Variants in EPM2A observed in about 807,000 individuals in gnomAD.
EPM2A encodes laforin.
A neutral mutation model predicts 26.5 loss-of-function variants in EPM2A; 21 were observed. The ratio of observed to expected loss-of-function variants is 0.79; its 90% CI spans 0.56 to 1.14. EPM2A has a LOEUF of 1.14. Ranked by LOEUF, EPM2A falls within the 50% of genes most tolerant of loss-of-function variation. EPM2A has a pLI of 0.00. For synonymous variants in EPM2A, 217 were observed against 177.6 expected, an observed-to-expected ratio of 1.22 and a Z score of -1.76; for missense variants, 458 against 440.8, an observed-to-expected ratio of 1.04 and a Z score of -0.35.
chr6:145,519,467 C>G (rs950837217), intron 2 of EPM2A, among the ~76,000 whole-genome samples: 8 of 152,120 alleles, frequency 5.3e-5, no homozygotes, highest in African/African-American at 1.7e-4. Context: ...ATGGAATCCC[C>G]CCTCCAACTT....
intron 3 of EPM2A, chr6:145,502,497 T>C (rs1295772714): frequency 2.1e-6 from 1 of 469,252 alleles, no homozygotes; most frequent in East Asian, 7.0e-5. Context: ...AGCTGCTCAC[T>C]GGGAGGAGGT....
chr6:145,391,113 A>C (rs1275675176), intron 4 of EPM2A, among the ~76,000 whole-genome samples: 2 of 152,124 alleles, frequency 1.3e-5, no homozygotes, highest in Non-Finnish European at 2.9e-5. Context: ...CCCCAGAGAA[A>C]CCTTAAAAAC....
intron 4 of EPM2A, among the ~76,000 whole-genome samples, chr6:145,448,139 T>A (rs1779148962): frequency 6.6e-6 from 1 of 152,182 alleles, no homozygotes; most frequent in Admixed American, 6.5e-5. Flanking sequence ...ACATAAGTGA[T>A]TAATTGAAGT....
At chr6:145,647,075 C>T (rs970926257) in intron 2 of EPM2A, among the ~76,000 whole-genome samples, 2 of 152,190 alleles carry the variant, frequency 1.3e-5, no homozygotes, top group African/African-American at 4.8e-5. Context: ...AATGACCTCC[C>T]AGTCTGTCTC....
At chr6:145,542,286 C>A (rs1036770761) in intron 2 of EPM2A, among the ~76,000 whole-genome samples, 1 of 152,192 alleles carries the variant, frequency 6.6e-6, no homozygotes, top group African/African-American at 2.4e-5. Context: ...TGGACAGATT[C>A]ATCTCTTCTT....
intron 1 of EPM2A, among the ~76,000 whole-genome samples, chr6:145,732,201 TTGTGTGTGTGTGTG>T (rs66889564): frequency 2.2e-5 from 3 of 138,460 alleles, no homozygotes; most frequent in South Asian, 2.4e-4. Context: ...CAGCTAAGAC[TTGTGTGTGTGTGTG>T]TGTGTGTGTG....
rs1333995601 is a variant in EPM2A, at chr6:145,555,850, C to T, written c.341-53275G>A. On this transcript the variant is annotated intron_variant, in intron 2 of 3. Transcript: ENST00000450221. ...CCCCCCACCTTCTGATTTTAGGACTCCTTTGTTTTTCCATAAGTAGTTCCC... is the reference window on the plus strand; with the variant it reads ...CCCCCCACCTTCTGATTTTAGGACTTCTTTGTTTTTCCATAAGTAGTTCCC... Among the ~76,000 whole-genome samples the T allele has an allele frequency of 3.3e-5, 5 of 152,274 alleles. No individual in the cohort carries two copies. In the South Asian group the frequency reaches 1.0e-3, roughly 32 times the overall value.
intron 4 of EPM2A, among the ~76,000 whole-genome samples, chr6:145,403,926 A>T (rs997616474): frequency 6.6e-6 from 1 of 151,984 alleles, no homozygotes; most frequent in Non-Finnish European, 1.5e-5. Context: ...GTCAGCATTC[A>T]TTATTGCCTG....
chr6:145,419,858 G>A (rs943329535), intron 4 of EPM2A, among the ~76,000 whole-genome samples: 3 of 151,882 alleles, frequency 2.0e-5, no homozygotes, highest in African/African-American at 4.8e-5. Context: ...ACAAATAATA[G>A]TTTAAATAAA....
chr6:145,478,333 G>A (rs1286703615), intron 4 of EPM2A, among the ~76,000 whole-genome samples: 1 of 151,906 alleles, frequency 6.6e-6, no homozygotes, highest in Non-Finnish European at 1.5e-5. Flanking sequence ...AATCAATATT[G>A]TTAAAATGTC....
chr6:145,587,664 C>T (rs967471822), intron 2 of EPM2A, among the ~76,000 whole-genome samples: 1 of 152,176 alleles, frequency 6.6e-6, no homozygotes, highest in Non-Finnish European at 1.5e-5. Context: ...TTTATAATTC[C>T]TTGCAATGTA....
chr6:145,401,675 C>A (rs1778492531), intron 4 of EPM2A, among the ~76,000 whole-genome samples: 1 of 152,124 alleles, frequency 6.6e-6, no homozygotes, highest in Admixed American at 6.6e-5. Context: ...GACTTGATTG[C>A]ATCCCAAGTA....
chr6:145,389,691 C>CTT (rs2092375652), intron 4 of EPM2A, among the ~76,000 whole-genome samples: 1 of 152,236 alleles, frequency 6.6e-6, no homozygotes, highest in African/African-American at 2.4e-5. Flanking sequence ...ATTTCTCAAC[C>CTT]TTATTCTGTG....
intron 2 of EPM2A, chr6:145,671,296 C>A (rs1381885988): frequency 5.8e-6 from 6 of 1,039,838 alleles, no homozygotes; most frequent in Non-Finnish European, 7.0e-6. Context: ...AATATAGCTG[C>A]TGTAGAGCTG....
At chr6:145,592,770 C>A (rs1562395325) in intron 2 of EPM2A, among the ~76,000 whole-genome samples, 1 of 151,732 alleles carries the variant, frequency 6.6e-6, no homozygotes, top group South Asian at 2.1e-4. Flanking sequence ...AACCCTAGGA[C>A]AACCACCAAA....
rs188594452 is a variant in EPM2A at position 145,502,639 on chromosome 6, G to T, written c.341-64C>A. On this transcript the variant is annotated intron_variant, in intron 2 of 3. Transcript: ENST00000450221. ...CTGGCACAGTGCCAGCCTTGCTCAA[G>T]ATGTTGTTATTCAGTCTTAGGAAAC... is the stretch of plus-strand genomic sequence containing the variant. 8.5e-6 allele frequency: 4 copies of T among 469,026 alleles called. No homozygotes were observed. In the Admixed American group the frequency reaches 9.4e-5, roughly 11 times the overall value. 29.1% of individuals were successfully genotyped at this position (469,026 alleles called of 1,614,324 possible). A position where few individuals can be genotyped will look rare whatever the true frequency, so the allele number is the denominator to read the frequency against.
chr6:145,527,087 T>C (rs565719586), intron 2 of EPM2A, among the ~76,000 whole-genome samples: 4 of 152,216 alleles, frequency 2.6e-5, no homozygotes, highest in South Asian at 2.1e-4. Flanking sequence ...CATGTATTTA[T>C]GTGGTTTTGA....
chr6:145,493,845 AT>A (rs1484632881), intron 4 of EPM2A, among the ~76,000 whole-genome samples: 1 of 152,224 alleles, frequency 6.6e-6, no homozygotes, highest in African/African-American at 2.4e-5. Context: ...CTAGCTCATC[AT>A]GGTGGATAAA....
Position 145,502,724 on chromosome 6 carries a change from T to A in EPM2A, c.341-149A>T, listed in dbSNP as rs149741582. On this transcript the variant is annotated intron_variant, in intron 2 of 3. Transcript: ENST00000450221. ...GTAATATACATAGTATTTAGCAAAT[T>A]AGAAGTGCTTAATAAAAGTCAATGA... 427 of 290,914 alleles carry A rather than the reference T, an allele frequency of 1.5e-3. 6 individuals carry two copies. Among genetic ancestry groups the A allele is most frequent in the African/African-American group, 9.0e-3 (402 of 44,880 alleles). 18.0% of individuals were successfully genotyped at this position (290,914 alleles called of 1,614,324 possible).
Sources: gnomAD v4.1 joint callset for allele counts (sites outside exome capture counted in the v4.1 genomes callset) on GRCh38, gnomAD v4.1.1 for gene constraint, MANE v1.5 for transcripts, NCBI Gene and HGNC (gene_info 2026-07-23, HGNC 2026-07-21) for gene names.